Variants in SH3GL2 observed in about 807,000 individuals in gnomAD.
SH3GL2 encodes the protein endophilin-A1.
SH3GL2 carries 24 observed loss-of-function variants against 46.0 expected under a neutral mutation model. The observed-to-expected ratio is 0.52, with a 90% CI of 0.38 to 0.73. The LOEUF (loss-of-function observed/expected upper bound fraction) is 0.73. SH3GL2 is among the 30% of genes least tolerant of loss of function. The pLI is 0.00. For synonymous variants in SH3GL2, 196 were observed against 147.1 expected (o/e 1.33, Z -2.40); for missense variants, 413 against 424.2 (o/e 0.97, Z 0.23).
intron 2 of SH3GL2, among the ~76,000 whole-genome samples, chr9:17,750,238 T>C (rs1368780419): frequency 6.6e-6 from 1 of 152,072 alleles, no homozygotes; most frequent in Non-Finnish European, 1.5e-5. Context: ...GACAGAAGAA[T>C]TGCCTTTCCA....
intron 2 of SH3GL2, among the ~76,000 whole-genome samples, chr9:17,748,805 A>G (rs906234394): frequency 1.3e-5 from 2 of 152,016 alleles, no homozygotes; most frequent in Admixed American, 6.6e-5. Context: ...CACAGAGGAA[A>G]CTCACCCATA....
At chr9:17,661,553 A>G (rs1235631822) in intron 1 of SH3GL2, among the ~76,000 whole-genome samples, 1 of 152,262 alleles carries the variant, frequency 6.6e-6, no homozygotes, top group East Asian at 1.9e-4. Flanking sequence ...AATGTGTCAT[A>G]TAAAGAGAAT....
At chr9:17,640,352 C>A (rs1013745484) in intron 1 of SH3GL2, among the ~76,000 whole-genome samples, 4 of 151,516 alleles carry the variant, frequency 2.6e-5, no homozygotes. Context: ...AAAAAGTTTC[C>A]TTTTTTCTTT....
chr9:17,660,579 A>G (rs7044341), intron 1 of SH3GL2, among the ~76,000 whole-genome samples: 7,735 of 152,188 alleles, frequency 0.051, 662 homozygotes, highest in African/African-American at 0.18. Flanking sequence ...GTGAAGAGAA[A>G]GTTTAAATCC....
chr9:17,629,116 G>T (rs374520673), intron 1 of SH3GL2, among the ~76,000 whole-genome samples: 6 of 152,196 alleles, frequency 3.9e-5, no homozygotes, highest in African/African-American at 1.4e-4. Flanking sequence ...GTGGAGTTTG[G>T]TTGGCTGGGA....
At chr9:17,704,545 A>G (rs973848162) in intron 1 of SH3GL2, among the ~76,000 whole-genome samples, 6 of 152,130 alleles carry the variant, frequency 3.9e-5, no homozygotes, top group East Asian at 3.9e-4. Context: ...GCTACAGGCT[A>G]TGGTAACCAA....
intron 1 of SH3GL2, among the ~76,000 whole-genome samples, chr9:17,592,609 T>A (rs1341778607): frequency 5.3e-5 from 8 of 152,194 alleles, no homozygotes; most frequent in Non-Finnish European, 8.8e-5. Context: ...AACAATACCC[T>A]GAGATTTCCT....
intron 3 of SH3GL2, among the ~76,000 whole-genome samples, chr9:17,774,161 T>C (rs1009606941): frequency 3.9e-4 from 59 of 152,182 alleles, no homozygotes; most frequent in Non-Finnish European, 7.6e-4. Flanking sequence ...CCTGCTACTT[T>C]GTTGAATTCA....
chr9:17,729,850 T>G (rs571906843), intron 1 of SH3GL2, among the ~76,000 whole-genome samples: 2 of 152,308 alleles, frequency 1.3e-5, no homozygotes, highest in African/African-American at 4.8e-5. Context: ...CCATGCTGTT[T>G]TGGTTACGGT....
intron 1 of SH3GL2, among the ~76,000 whole-genome samples, chr9:17,659,131 C>T (rs1315000566): frequency 6.6e-6 from 1 of 152,060 alleles, no homozygotes; most frequent in Non-Finnish European, 1.5e-5. Flanking sequence ...ATATAGAGTG[C>T]AGAAAAAGAA....
chr9:17,782,821 A>G (rs1028329820), intron 3 of SH3GL2, among the ~76,000 whole-genome samples: 4 of 152,244 alleles, frequency 2.6e-5, no homozygotes, highest in African/African-American at 9.6e-5. Flanking sequence ...GCAAGGAAAA[A>G]CTGGAAGCCA....
At chr9:17,602,357 G>A (rs1368902033) in intron 1 of SH3GL2, among the ~76,000 whole-genome samples, 2 of 152,180 alleles carry the variant, frequency 1.3e-5, no homozygotes, top group Admixed American at 6.5e-5. Flanking sequence ...AACCCAGTCA[G>A]TTCATTGTCA....
At chr9:17,665,869 A>G (rs1820330012) in intron 1 of SH3GL2, among the ~76,000 whole-genome samples, 1 of 148,028 alleles carries the variant, frequency 6.8e-6, no homozygotes, top group South Asian at 2.3e-4. Flanking sequence ...CTGTCTGTTC[A>G]TCCATCCATC....
At chr9:17,667,291 G>A (rs1251278914) in intron 1 of SH3GL2, among the ~76,000 whole-genome samples, 3 of 152,094 alleles carry the variant, frequency 2.0e-5, no homozygotes, top group African/African-American at 7.2e-5. Flanking sequence ...AGATTGTACA[G>A]CATCACCACT....
Position 17,770,677 on chromosome 9 carries a change from C to T in SH3GL2, c.187+9168C>T, listed in dbSNP as rs538622263. Among the ~76,000 whole-genome samples the T allele has an allele frequency of 7.9e-5, 12 of 152,340 alleles. No individual in the cohort carries two copies. In the South Asian group the frequency reaches 2.3e-3, roughly 29 times the overall value. On this transcript the variant is annotated intron_variant, in intron 3 of 8. Transcript: ENST00000380607. The stretch of plus-strand genomic sequence containing the variant: ...GTGAGACAGTCTTAGCAGACTAATA[C>T]GAGAGACATTCCCTTCCTTGTCTAG...
intron 3 of SH3GL2, among the ~76,000 whole-genome samples, chr9:17,777,359 T>C (rs1823669268): frequency 6.6e-6 from 1 of 152,172 alleles, no homozygotes; most frequent in Non-Finnish European, 1.5e-5. Flanking sequence ...CTCACAAATA[T>C]AGTAATTCAG....
At chr9:17,780,296 A>G (rs1823764786) in intron 3 of SH3GL2, among the ~76,000 whole-genome samples, 2 of 152,096 alleles carry the variant, frequency 1.3e-5, no homozygotes, top group African/African-American at 2.4e-5. Context: ...TGATCATAGA[A>G]CATGTATTCT....
At chr9:17,652,774 C>T (rs894841769) in intron 1 of SH3GL2, among the ~76,000 whole-genome samples, 1 of 152,122 alleles carries the variant, frequency 6.6e-6, no homozygotes, top group East Asian at 1.9e-4. Context: ...TTTAAATTTT[C>T]TATCAGTTGC....
chr9:17,609,666 A>G (rs1489223809), intron 1 of SH3GL2, among the ~76,000 whole-genome samples: 1 of 152,248 alleles, frequency 6.6e-6, no homozygotes, highest in Non-Finnish European at 1.5e-5. Context: ...TGAAACGTTT[A>G]GATATGTACT....
Sources: gnomAD v4.1 joint callset for allele counts (sites outside exome capture counted in the v4.1 genomes callset) on GRCh38, gnomAD v4.1.1 for gene constraint, MANE v1.5 for transcripts, NCBI Gene and HGNC (gene_info 2026-07-23, HGNC 2026-07-21) for gene names.